The following BICC1 variants were observed in gnomAD, a reference collection of about 807,000 sequenced individuals.
BICC1 encodes the protein BicC family RNA binding protein 1.
BICC1 carries 43 observed loss-of-function variants against 111.0 expected under a neutral mutation model. The observed-to-expected ratio is 0.39, with a 90% CI of 0.30 to 0.50. The LOEUF is 0.50. BICC1 is among the 20% of genes least tolerant of loss of function. The pLI, the probability that BICC1 is intolerant of heterozygous loss-of-function variation, is 0.88. For synonymous variants in BICC1, 467 were observed against 434.4 expected, an observed-to-expected ratio of 1.07 and a Z score of -0.93; for missense variants, 1,091 against 1,203.2, an observed-to-expected ratio of 0.91 and a Z score of 1.38.
At chr10:58,645,360 T>C (rs555588539) in intron 2 of BICC1, among the ~76,000 whole-genome samples, 4,319 of 127,282 alleles carry the variant, frequency 0.034, 85 homozygotes, top group Non-Finnish European at 0.049. Flanking sequence ...TGAGCCGAGA[T>C]CGCGCCACTG....
At chr10:58,601,609 G>A (rs987641650) in intron 1 of BICC1, among the ~76,000 whole-genome samples, 1 of 151,790 alleles carries the variant, frequency 6.6e-6, no homozygotes, top group Non-Finnish European at 1.5e-5. Flanking sequence ...TAGAATTACT[G>A]GATCAAGTAC....
intron 12 of BICC1, 90 bp from the exon 13 acceptor site, chr10:58,800,103 TC>T: frequency 2.0e-6 from 2 of 1,023,686 alleles, no homozygotes; most frequent in Non-Finnish European, 2.8e-6. Flanking sequence ...GTTTTCTTTT[TC>T]GTGGCTGTTA....
intron 2 of BICC1, among the ~76,000 whole-genome samples, chr10:58,671,643 C>T (rs1329033629): frequency 6.6e-6 from 1 of 152,112 alleles, no homozygotes; most frequent in Non-Finnish European, 1.5e-5. Context: ...TACTTCCATG[C>T]TTCCCTTGAT....
At chr10:58,561,180 TATA>T (rs935830273) in intron 1 of BICC1, among the ~76,000 whole-genome samples, 2 of 152,040 alleles carry the variant, frequency 1.3e-5, no homozygotes, top group Admixed American at 6.6e-5. Context: ...TCCCTTTTAA[TATA>T]ATAATATTTA....
intron 19 of BICC1, among the ~76,000 whole-genome samples, chr10:58,819,194 C>T (rs993663133): frequency 6.6e-6 from 1 of 152,084 alleles, no homozygotes; most frequent in African/African-American, 2.4e-5. Context: ...TTGTGGCCCA[C>T]AAAGCCTAAA....
Position 58,668,686 on chromosome 10 carries a change from C to A in BICC1, c.238-33388C>A, listed in dbSNP as rs184579393. On this transcript the variant is annotated intron_variant, in intron 2 of 20. Transcript: ENST00000373886. ...TTGATGATCGTTACTTCATTTTGGGCCAGTTACAGTAAACCAGAACCTAGG... is the reference window on the plus strand; with the variant it reads ...TTGATGATCGTTACTTCATTTTGGGACAGTTACAGTAAACCAGAACCTAGG... 5.3e-5 allele frequency among the ~76,000 whole-genome samples: 8 copies of A among 152,138 alleles called. No individual in the cohort carries two copies. In the East Asian group the frequency reaches 1.2e-3, roughly 22 times the overall value.
intron 1 of BICC1, among the ~76,000 whole-genome samples, chr10:58,586,469 GT>G (rs1295620108): frequency 1.1e-4 from 16 of 148,992 alleles, no homozygotes; most frequent in African/African-American, 3.9e-4. Flanking sequence ...TTCATGCAGA[GT>G]ACTTCCTGTA....
intron 2 of BICC1, among the ~76,000 whole-genome samples, chr10:58,634,235 C>T (rs1420738551): frequency 5.9e-5 from 9 of 151,928 alleles, no homozygotes; most frequent in Non-Finnish European, 1.3e-4. Flanking sequence ...TCAGGTGATC[C>T]ACCGCCTCGG....
intron 19 of BICC1, among the ~76,000 whole-genome samples, chr10:58,820,122 A>G (rs1292949189): frequency 1.3e-5 from 2 of 152,162 alleles, no homozygotes; most frequent in East Asian, 1.9e-4. Context: ...CAAAAATGGT[A>G]CAATCTTTGT....
At chr10:58,746,517 G>A in intron 3 of BICC1, among the ~76,000 whole-genome samples, 1 of 152,058 alleles carries the variant, frequency 6.6e-6, no homozygotes, top group East Asian at 1.9e-4. Context: ...GGTAAGAAGG[G>A]GGAAAATGAT....
chr10:58,593,468 G>A (rs559772530), intron 1 of BICC1, among the ~76,000 whole-genome samples: 5 of 152,236 alleles, frequency 3.3e-5, no homozygotes, highest in Admixed American at 1.3e-4. Context: ...AGTAGGGGCC[G>A]ACAGACACCT....
chr10:58,648,738 G>A (rs995937306), intron 2 of BICC1: 21 of 809,810 alleles, frequency 2.6e-5, no homozygotes, highest in Middle Eastern at 6.2e-4. Flanking sequence ...TGCTACTCCT[G>A]TCTTTTATCT....
chr10:58,780,348 C>G (rs903588941), intron 3 of BICC1, among the ~76,000 whole-genome samples: 1 of 151,978 alleles, frequency 6.6e-6, no homozygotes, highest in Non-Finnish European at 1.5e-5. Flanking sequence ...GAGTGGGAGG[C>G]GGGGAGGTAG....
At chr10:58,697,860 ACT>A (rs1255764730) in intron 2 of BICC1, among the ~76,000 whole-genome samples, 1 of 151,726 alleles carries the variant, frequency 6.6e-6, no homozygotes, top group African/African-American at 2.4e-5. Flanking sequence ...TAGCTCCAGT[ACT>A]GAAGTTCCTA....
At chr10:58,564,728 A>G (rs1843704699) in intron 1 of BICC1, among the ~76,000 whole-genome samples, 1 of 152,130 alleles carries the variant, frequency 6.6e-6, no homozygotes, top group African/African-American at 2.4e-5. Flanking sequence ...AGGCTATGAA[A>G]CCCATTTGAT....
intron 9 of BICC1, among the ~76,000 whole-genome samples, chr10:58,794,997 G>T (rs1048666988): frequency 2.6e-5 from 4 of 152,116 alleles, no homozygotes; most frequent in African/African-American, 9.7e-5. Context: ...GTATATATAT[G>T]TCTGTACATT....
intron 19 of BICC1, among the ~76,000 whole-genome samples, chr10:58,817,945 T>C (rs773968855): frequency 2.2e-4 from 34 of 152,082 alleles, no homozygotes; most frequent in Admixed American, 1.0e-3. Flanking sequence ...TGCAGAAAAA[T>C]GTACAATAGC....
At chr10:58,693,619 G>A (rs2132419507) in intron 2 of BICC1, among the ~76,000 whole-genome samples, 1 of 151,548 alleles carries the variant, frequency 6.6e-6, no homozygotes, top group Admixed American at 6.6e-5. Context: ...CAGTGATGAT[G>A]AGCATTTTTT....
chr10:58,582,096 AG>A (rs1477194454), intron 1 of BICC1, among the ~76,000 whole-genome samples: 1 of 152,172 alleles, frequency 6.6e-6, no homozygotes, highest in Non-Finnish European at 1.5e-5. Flanking sequence ...GCTCCTTCTT[AG>A]TACTCATCCT....
Sources: gnomAD v4.1 joint callset for allele counts (sites outside exome capture counted in the v4.1 genomes callset) on GRCh38, gnomAD v4.1.1 for gene constraint, MANE v1.5 for transcripts, NCBI Gene and HGNC (gene_info 2026-07-23, HGNC 2026-07-21) for gene names.